Variants in ULK4 observed in about 807,000 individuals in gnomAD.
ULK4 encodes unc-51 like kinase 4.
Under a neutral mutation model 160.6 loss-of-function variants are expected in ULK4, and 133 were observed. That is an observed-to-expected ratio of 0.83 (90% CI 0.72 to 0.96). ULK4 has a LOEUF of 0.96. Ranked by LOEUF, ULK4 falls within the 40% of genes least tolerant of loss-of-function variation. ULK4 has a pLI of 0.00. For missense variants in ULK4, 1,580 were observed against 1,499.5 expected (o/e 1.05, Z -0.89); for synonymous variants, 534 against 539.8 (o/e 0.99, Z 0.15).
intron 30 of ULK4, among the ~76,000 whole-genome samples, chr3:41,631,437 TAG>T (rs767651325): frequency 2.1e-4 from 32 of 152,246 alleles, no homozygotes; most frequent in Admixed American, 3.3e-4. Flanking sequence ...GAGAAAGTCT[TAG>T]AATTAAGTTA....
intron 35 of ULK4, among the ~76,000 whole-genome samples, chr3:41,305,643 C>T (rs1013967514): frequency 8.5e-5 from 13 of 152,228 alleles, no homozygotes; most frequent in African/African-American, 3.1e-4. Flanking sequence ...GGCTGCCACC[C>T]CGTCTGGGAA....
chr3:41,831,531 A>ATATAGATAGATATAT, intron 18 of ULK4, among the ~76,000 whole-genome samples: 3 of 138,066 alleles, frequency 2.2e-5, no homozygotes, highest in African/African-American at 8.5e-5. Context: ...ATATATATAT[A>ATATAGATAGATATAT]TTTTTTTTTC....
intron 17 of ULK4, among the ~76,000 whole-genome samples, chr3:41,852,915 C>T (rs2042251743): frequency 6.6e-6 from 1 of 152,072 alleles, no homozygotes; most frequent in Non-Finnish European, 1.5e-5. Context: ...CTAAAAGAAG[C>T]AGTGGTGAAA....
intron 17 of ULK4, among the ~76,000 whole-genome samples, chr3:41,875,758 G>T (rs1697274970): frequency 1.3e-5 from 1 of 79,028 alleles, no homozygotes; most frequent in African/African-American, 1.8e-4. Context: ...ATCTATATAA[G>T]TTTTAATATT....
rs917184842 is a variant in ULK4 at position 41,681,783 on chromosome 3, G to A, written c.2803C>T (p.Pro935Ser). Reference protein sequence around the residue: ...RSTVVDYILPPLVSLVQSQNV... With the variant: ...RSTVVDYILPSLVSLVQSQNV... ...TGGCTTTGAACCAAGGACACCAAGG[G>A]TGGCAGTATATAGTCAACAACCTAA... Residue 935 changes from proline (P) to serine (S), a missense_variant, in exon 28 of 37, where the codon CCC becomes TCC. Coordinates refer to ENST00000301831, the MANE Select transcript of ULK4 (RefSeq NM_017886.4). 6 of 1,613,936 alleles carry A rather than the reference G, an allele frequency of 3.7e-6. No homozygotes were observed. The highest frequency in any genetic ancestry group is 1.3e-5 in the African/African-American group (1 of 74,910).
At chr3:41,781,630 G>T (rs139989267) in intron 21 of ULK4, among the ~76,000 whole-genome samples, 1 of 152,218 alleles carries the variant, frequency 6.6e-6, no homozygotes, top group East Asian at 1.9e-4. Flanking sequence ...AATGAAGTAG[G>T]AATATAAATG....
At chr3:41,762,655 CTTTTTTTTTTTTT>C (rs35695794) in intron 21 of ULK4, among the ~76,000 whole-genome samples, 4 of 88,976 alleles carry the variant, frequency 4.5e-5, no homozygotes, top group African/African-American at 1.8e-4. Flanking sequence ...AAGTGTTACA[CTTTTTTTTTTTTT>C]TTTTTTTTTT....
chr3:41,814,294 T>C (rs2040901966), intron 19 of ULK4, among the ~76,000 whole-genome samples: 1 of 152,234 alleles, frequency 6.6e-6, no homozygotes, highest in South Asian at 2.1e-4. Flanking sequence ...TCTATAACTT[T>C]TCTGTCGCTT....
chr3:41,891,994 T>G (rs1291291957), intron 16 of ULK4, among the ~76,000 whole-genome samples: 1 of 152,176 alleles, frequency 6.6e-6, no homozygotes, highest in East Asian at 1.9e-4. Context: ...ATGTTTTTAA[T>G]TAAAAAATTT....
intron 32 of ULK4, among the ~76,000 whole-genome samples, chr3:41,463,930 A>G (rs192148332): frequency 1.6e-4 from 25 of 152,262 alleles, no homozygotes; most frequent in Non-Finnish European, 2.8e-4. Flanking sequence ...AAGTGAAATT[A>G]CAACATGAAA....
chr3:41,481,826 C>CAAAA (rs71616009), intron 32 of ULK4, among the ~76,000 whole-genome samples: 11 of 66,798 alleles, frequency 1.6e-4, no homozygotes, highest in South Asian at 5.7e-4. Flanking sequence ...GACTCCGTCT[C>CAAAA]AAAAAAAAAA....
rs962855606 is a variant in ULK4, at chr3:41,764,572, A to G, written c.2194-10084T>C. 2.6e-5 allele frequency among the ~76,000 whole-genome samples: 4 copies of G among 152,220 alleles called. No homozygotes were observed. The East Asian group carries it at 5.8e-4, about 22-fold the overall frequency. The stretch of plus-strand genomic sequence containing the variant: ...AGAGCAAGACCCTGTCTCTACAAAG[A>G]AAACAAAAAACTTAAAAGAGAAATG... On this transcript the variant is annotated intron_variant, in intron 21 of 36. Transcript: ENST00000301831.
intron 29 of ULK4, among the ~76,000 whole-genome samples, chr3:41,680,923 A>G (rs1191786987): frequency 6.6e-6 from 1 of 152,174 alleles, no homozygotes. Context: ...ATAAGGTGAG[A>G]TTTTAGGGTT....
At chr3:41,841,136 G>A (rs1455499606) in intron 17 of ULK4, among the ~76,000 whole-genome samples, 7 of 147,046 alleles carry the variant, frequency 4.8e-5, no homozygotes, top group Non-Finnish European at 4.5e-5. Context: ...CCTCTGCTCG[G>A]CCGCCACCCC....
chr3:41,566,006 A>G lies in ULK4; in HGVS notation c.3226+19T>C. ...AATAGGCAAAACTTGATCAGAGAGT[A>G]ATTCTATGAGGCATTTACCTTGTTC... On this transcript the variant is annotated intron_variant, in intron 32 of 36. Coordinates refer to ENST00000301831, the MANE Select transcript of ULK4 (RefSeq NM_017886.4). 6.3e-7 allele frequency: 1 copy of G among 1,590,826 alleles called. No individual in the cohort carries two copies. Among genetic ancestry groups the G allele is most frequent in the Non-Finnish European group, 8.6e-7 (1 of 1,159,830 alleles).
chr3:41,392,525 T>G (rs1377327939), intron 35 of ULK4, among the ~76,000 whole-genome samples: 2 of 152,104 alleles, frequency 1.3e-5, no homozygotes, highest in Non-Finnish European at 2.9e-5. Context: ...CAACCATGGT[T>G]TACCAGTCAC....
At chr3:41,488,926 AT>A (rs2084644867) in intron 32 of ULK4, among the ~76,000 whole-genome samples, 1 of 152,082 alleles carries the variant, frequency 6.6e-6, no homozygotes, top group Non-Finnish European at 1.5e-5. Context: ...CACTCCAGCC[AT>A]CCTTCCTGCA....
chr3:41,738,543 A>G (rs1045836180), intron 22 of ULK4, among the ~76,000 whole-genome samples: 2 of 151,874 alleles, frequency 1.3e-5, no homozygotes, highest in African/African-American at 2.4e-5. Flanking sequence ...AGCTGGTTGG[A>G]CCTCAGGAAA....
chr3:41,752,651 A>AT (rs1170243867), intron 22 of ULK4, among the ~76,000 whole-genome samples: 1 of 152,224 alleles, frequency 6.6e-6, no homozygotes, highest in Non-Finnish European at 1.5e-5. Context: ...AATGAAAATC[A>AT]TATGTTCATG....
Sources: allele counts gnomAD v4.1 joint callset (sites outside exome capture counted in the v4.1 genomes callset), GRCh38; gene constraint gnomAD v4.1.1; transcripts MANE v1.5; gene names NCBI Gene and HGNC (gene_info 2026-07-23, HGNC 2026-07-21).